TACR1: variants seen among roughly 807,000 people sequenced by gnomAD.
The protein encoded by TACR1 is tachykinin receptor 1, also known as substance-P receptor.
In TACR1, 25 loss-of-function variants were observed where a neutral mutation model predicts 35.8. That is an observed-to-expected ratio of 0.70 (90% CI 0.51 to 0.98). The LOEUF (loss-of-function observed/expected upper bound fraction) is 0.98. TACR1 is among the 50% of genes least tolerant of loss of function. TACR1 has a pLI of 0.00. For synonymous variants in TACR1, 195 were observed against 206.7 expected, an observed-to-expected ratio of 0.94 and a Z score of 0.48; for missense variants, 478 against 522.9, an observed-to-expected ratio of 0.91 and a Z score of 0.84.
At chr2:75,147,824 A>G (rs1307704724) in intron 1 of TACR1, among the ~76,000 whole-genome samples, 1 of 150,796 alleles carries the variant, frequency 6.6e-6, no homozygotes, top group East Asian at 1.9e-4. Flanking sequence ...GCTCACTGCA[A>G]CCTCTGCCTC....
At chr2:75,165,544 G>C (rs1352682535) in intron 1 of TACR1, among the ~76,000 whole-genome samples, 1 of 151,900 alleles carries the variant, frequency 6.6e-6, no homozygotes, top group East Asian at 1.9e-4. Flanking sequence ...TCCTGACCTC[G>C]TGATGCCCCT....
chr2:75,105,489 G>A (rs555522776), intron 2 of TACR1, among the ~76,000 whole-genome samples: 113 of 152,040 alleles, frequency 7.4e-4, no homozygotes, highest in Non-Finnish European at 1.2e-3. Flanking sequence ...ATAATGCATC[G>A]TACACTTGAA....
intron 2 of TACR1, among the ~76,000 whole-genome samples, chr2:75,106,721 A>G (rs779893773): frequency 6.6e-6 from 1 of 151,968 alleles, no homozygotes; most frequent in Non-Finnish European, 1.5e-5. Flanking sequence ...TAGCTATGGA[A>G]GTAGGGAATA....
chr2:75,130,485 A>G (rs1452927820), intron 1 of TACR1, among the ~76,000 whole-genome samples: 5 of 152,256 alleles, frequency 3.3e-5, no homozygotes, highest in Admixed American at 3.3e-4. Flanking sequence ...CACCCTTGCT[A>G]CAGTGATTTT....
intron 2 of TACR1, among the ~76,000 whole-genome samples, chr2:75,078,574 T>C (rs1208936797): frequency 6.6e-6 from 1 of 152,332 alleles, no homozygotes; most frequent in African/African-American, 2.4e-5. Context: ...ATATATCCAA[T>C]GGCATCTTTG....
chr2:75,198,758 G>T lies in TACR1; in HGVS notation c.177C>A (p.Ala59=), dbSNP rs763177509. 6.2e-7 allele frequency: 1 copy of T among 1,614,178 alleles called. No individual in the cohort carries two copies. Residue 59 remains alanine (A), a synonymous_variant, in exon 1 of 5, where the codon GCC becomes GCA. Coordinates refer to ENST00000305249, the MANE Select transcript of TACR1 (RefSeq NM_001058.4). ...GNVVVMWIIL[A]HKRMRTVTNY... Reference sequence around the variant, plus strand: ...TCGTCACTGTCCTCATTCTTTTGTGGGCTAAGATGATCCACATCACTACCA... The same window carrying T: ...TCGTCACTGTCCTCATTCTTTTGTGTGCTAAGATGATCCACATCACTACCA...
At chr2:75,177,484 A>G (rs1391894088) in intron 1 of TACR1, among the ~76,000 whole-genome samples, 1 of 152,192 alleles carries the variant, frequency 6.6e-6, no homozygotes, top group Non-Finnish European at 1.5e-5. Flanking sequence ...CAAAATGTCT[A>G]TTTTAAGCCT....
At chr2:75,103,084 C>CTA (rs2103875000) in intron 2 of TACR1, among the ~76,000 whole-genome samples, 1 of 152,288 alleles carries the variant, frequency 6.6e-6, no homozygotes, top group South Asian at 2.1e-4. Flanking sequence ...TGGGTCGTAT[C>CTA]TATCAATACT....
chr2:75,060,485 G>A lies in TACR1; in HGVS notation c.585-6730C>T, dbSNP rs115927925. 3.3e-5 allele frequency among the ~76,000 whole-genome samples: 5 copies of A among 152,256 alleles called. No individual in the cohort carries two copies. In the South Asian group the frequency reaches 1.0e-3, roughly 32 times the overall value. On this transcript the variant is annotated intron_variant, in intron 2 of 4. Coordinates refer to ENST00000305249, the MANE Select transcript of TACR1 (RefSeq NM_001058.4). ...GGGAGGGGAGGGAGCAAGTGCAAAG[G>A]CATGGGGGAGGAGCCTGGCATGAGG... is the stretch of plus-strand genomic sequence containing the variant.
chr2:75,083,296 G>A (rs1673126464), intron 2 of TACR1, among the ~76,000 whole-genome samples: 1 of 152,036 alleles, frequency 6.6e-6, no homozygotes, highest in Admixed American at 6.6e-5. Context: ...TCTCTGTTTT[G>A]GTACCAGTAC....
chr2:75,194,919 C>G (rs1476457953), intron 1 of TACR1, among the ~76,000 whole-genome samples: 1 of 152,150 alleles, frequency 6.6e-6, no homozygotes, highest in Non-Finnish European at 1.5e-5. Flanking sequence ...CCCCAGCTCC[C>G]TGCAGGGCTT....
intron 2 of TACR1, among the ~76,000 whole-genome samples, chr2:75,077,260 G>T (rs56188820): frequency 6.6e-6 from 1 of 152,076 alleles, no homozygotes; most frequent in Admixed American, 6.6e-5. Flanking sequence ...GTGAGCCACC[G>T]CACCCGGCCT....
At chr2:75,071,273 G>A (rs1196328644) in intron 2 of TACR1, among the ~76,000 whole-genome samples, 1 of 152,210 alleles carries the variant, frequency 6.6e-6, no homozygotes, top group African/African-American at 2.4e-5. Flanking sequence ...TCATTATAGA[G>A]GAAAGCAGCC....
At chr2:75,141,909 C>G (rs959783925) in intron 1 of TACR1, among the ~76,000 whole-genome samples, 2 of 152,206 alleles carry the variant, frequency 1.3e-5, no homozygotes, top group Non-Finnish European at 2.9e-5. Context: ...CCCCAGGGCT[C>G]TAGCTGGCTT....
chr2:75,050,438 G>A (rs1428804020), intron 4 of TACR1, among the ~76,000 whole-genome samples: 1 of 152,190 alleles, frequency 6.6e-6, no homozygotes, highest in Non-Finnish European at 1.5e-5. Flanking sequence ...ATGGTAACAA[G>A]CATTTTATTC....
At chr2:75,166,507 C>T (rs1423285189) in intron 1 of TACR1, among the ~76,000 whole-genome samples, 2 of 152,204 alleles carry the variant, frequency 1.3e-5, no homozygotes, top group African/African-American at 2.4e-5. Context: ...GTTGGCCAAT[C>T]AATCAGCGCT....
chr2:75,104,991 A>G (rs1673611320), intron 2 of TACR1, among the ~76,000 whole-genome samples: 1 of 152,106 alleles, frequency 6.6e-6, no homozygotes, highest in Non-Finnish European at 1.5e-5. Context: ...TCCTAAAAAA[A>G]TTAAAAATAG....
chr2:75,156,613 A>G (rs1176941330), intron 1 of TACR1, among the ~76,000 whole-genome samples: 2 of 151,514 alleles, frequency 1.3e-5, no homozygotes, highest in Non-Finnish European at 2.9e-5. Flanking sequence ...AAAAAAAAAA[A>G]AAAAAAAAGA....
intron 1 of TACR1, among the ~76,000 whole-genome samples, chr2:75,192,395 G>A (rs995211015): frequency 6.6e-6 from 1 of 152,162 alleles, no homozygotes; most frequent in Non-Finnish European, 1.5e-5. Context: ...TTCATTTCAA[G>A]AAAAGGAAGA....
Sources: gnomAD v4.1 joint callset for allele counts (sites outside exome capture counted in the v4.1 genomes callset) on GRCh38, gnomAD v4.1.1 for gene constraint, MANE v1.5 for transcripts, NCBI Gene and HGNC (gene_info 2026-07-23, HGNC 2026-07-21) for gene names.